The following OXR1 variants were observed in gnomAD, a reference collection of about 807,000 sequenced individuals.
OXR1 encodes the protein oxidation resistance 1.
In OXR1, 41 loss-of-function variants were observed where a neutral mutation model predicts 104.6. The observed-to-expected ratio is 0.39, with a 90% CI of 0.31 to 0.51. The LOEUF (loss-of-function observed/expected upper bound fraction) is 0.51. OXR1 is among the 20% of genes least tolerant of loss of function. The pLI is 0.77. For missense variants in OXR1, 955 were observed against 1,031.9 expected, an observed-to-expected ratio of 0.93 and a Z score of 1.02; for synonymous variants, 348 against 348.4, an observed-to-expected ratio of 1.00 and a Z score of 0.01.
intron 2 of OXR1, among the ~76,000 whole-genome samples, chr8:106,495,482 C>T (rs1811353860): frequency 6.6e-6 from 1 of 152,168 alleles, no homozygotes; most frequent in Non-Finnish European, 1.5e-5. Flanking sequence ...TATTTCTGAT[C>T]AATTATCCAG....
chr8:106,314,694 A>G (rs1379194993), intron 1 of OXR1, among the ~76,000 whole-genome samples: 5 of 152,226 alleles, frequency 3.3e-5, no homozygotes, highest in Non-Finnish European at 7.3e-5. Flanking sequence ...GTAGTGAAGC[A>G]GGTACTCAAA....
At chr8:106,341,290 A>G (rs961098134) in intron 1 of OXR1, among the ~76,000 whole-genome samples, 2 of 152,002 alleles carry the variant, frequency 1.3e-5, no homozygotes, top group African/African-American at 4.8e-5. Flanking sequence ...GGTTAATGAG[A>G]CTTGAATAAG....
At chr8:106,384,996 T>A (rs977368269) in intron 2 of OXR1, among the ~76,000 whole-genome samples, 1 of 152,208 alleles carries the variant, frequency 6.6e-6, no homozygotes, top group Non-Finnish European at 1.5e-5. Flanking sequence ...ATTACAGGCA[T>A]GAGCCACTGC....
At chr8:106,452,291 T>A (rs1689719132) in intron 2 of OXR1, among the ~76,000 whole-genome samples, 1 of 152,288 alleles carries the variant, frequency 6.6e-6, no homozygotes. Context: ...TCCATGTAAG[T>A]CTGAACTTAA....
At chr8:106,479,911 G>T (rs1379657523) in intron 2 of OXR1, among the ~76,000 whole-genome samples, 12 of 151,958 alleles carry the variant, frequency 7.9e-5, no homozygotes, top group Admixed American at 7.9e-4. Flanking sequence ...GACTTTACTG[G>T]AATGTAAATA....
intron 8 of OXR1, among the ~76,000 whole-genome samples, chr8:106,704,817 G>C (rs1377535677): frequency 6.6e-6 from 1 of 152,030 alleles, no homozygotes; most frequent in Admixed American, 6.6e-5. Flanking sequence ...GTCATTCATT[G>C]TCAGCTGGAA....
intron 2 of OXR1, among the ~76,000 whole-genome samples, chr8:106,477,475 C>G (rs1434926210): frequency 6.6e-6 from 1 of 151,906 alleles, no homozygotes; most frequent in Non-Finnish European, 1.5e-5. Context: ...TTACTTTTCT[C>G]TAGACTTTGA....
intron 1 of OXR1, among the ~76,000 whole-genome samples, chr8:106,286,307 T>C (rs1323501980): frequency 2.0e-5 from 3 of 151,698 alleles, no homozygotes; most frequent in Non-Finnish European, 2.9e-5. Context: ...GCCAGTATGA[T>C]TTCTGAATAT....
At chr8:106,589,264 C>T (rs140181432) in intron 3 of OXR1, among the ~76,000 whole-genome samples, 5 of 151,742 alleles carry the variant, frequency 3.3e-5, no homozygotes, top group Non-Finnish European at 7.4e-5. Flanking sequence ...AGAGTTCCAT[C>T]GCAGGGCACA....
chr8:106,488,084 C>G (rs374338016), intron 2 of OXR1, among the ~76,000 whole-genome samples: 3,983 of 140,242 alleles, frequency 0.028, 88 homozygotes, highest in African/African-American at 0.048. Flanking sequence ...TCCAGCACCT[C>G]TTGTTTCCTG....
At chr8:106,726,245 T>C (rs1466310657) in intron 11 of OXR1, 2 of 1,527,550 alleles carry the variant, frequency 1.3e-6, no homozygotes, top group Admixed American at 4.0e-5. Context: ...GGAAAGGAAA[T>C]GTCTCGTCTC....
At chr8:106,347,634 A>G (rs539565378) in intron 1 of OXR1, among the ~76,000 whole-genome samples, 3 of 152,260 alleles carry the variant, frequency 2.0e-5, no homozygotes, top group Non-Finnish European at 4.4e-5. Flanking sequence ...TTGAGGAATT[A>G]GTAAAAGCCA....
At chr8:106,558,561 C>T (rs554625806) in intron 3 of OXR1, among the ~76,000 whole-genome samples, 1 of 152,278 alleles carries the variant, frequency 6.6e-6, no homozygotes, top group Admixed American at 6.5e-5. Flanking sequence ...TAGCCCTGTC[C>T]CATTCATATT....
chr8:106,648,794 T>C (rs1824296738), intron 3 of OXR1, among the ~76,000 whole-genome samples: 2 of 152,178 alleles, frequency 1.3e-5, no homozygotes, highest in Non-Finnish European at 2.9e-5. Flanking sequence ...ACAAAAGGCT[T>C]TTTCAACAGA....
At chr8:106,551,860 A>ATATG (rs372448089) in intron 3 of OXR1, among the ~76,000 whole-genome samples, 136 of 126,566 alleles carry the variant, frequency 1.1e-3, no homozygotes, top group African/African-American at 3.0e-3. Flanking sequence ...GTGTATATAT[A>ATATG]TGTGTGTGTG....
intron 3 of OXR1, among the ~76,000 whole-genome samples, chr8:106,602,485 G>A (rs1820047570): frequency 6.6e-6 from 1 of 152,214 alleles, no homozygotes; most frequent in Non-Finnish European, 1.5e-5. Flanking sequence ...AAATCGTCAA[G>A]AATGATTCTT....
At chr8:106,744,001 G>A (rs944460157) in intron 15 of OXR1, among the ~76,000 whole-genome samples, 1 of 152,176 alleles carries the variant, frequency 6.6e-6, no homozygotes, top group Non-Finnish European at 1.5e-5. Context: ...GAGAACACAT[G>A]GACACATTTC....
In OXR1 at chr8:106,415,118, C is replaced by G. The variant is rs1269111575; in HGVS notation, c.23+55482C>G. The stretch of plus-strand genomic sequence containing the variant: ...GACAGGTGACATGTCTTTTTGGAGC[C>G]GACTTCACTTATTTGACTCCACAGT... On this transcript the variant is annotated intron_variant, in intron 2 of 16. Transcript: ENST00000517566. 3.3e-5 allele frequency among the ~76,000 whole-genome samples: 5 copies of G among 151,966 alleles called. No homozygotes were observed. The East Asian group carries it at 9.7e-4, about 29-fold the overall frequency.
intron 3 of OXR1, among the ~76,000 whole-genome samples, chr8:106,602,344 G>A (rs567357767): frequency 7.3e-4 from 111 of 152,300 alleles, no homozygotes; most frequent in Non-Finnish European, 1.5e-3. Flanking sequence ...GAAAGTCACC[G>A]TCGTGGTCTA....
Sources: allele counts gnomAD v4.1 joint callset (sites outside exome capture counted in the v4.1 genomes callset), GRCh38; gene constraint gnomAD v4.1.1; transcripts MANE v1.5; gene names NCBI Gene and HGNC (gene_info 2026-07-23, HGNC 2026-07-21).